The following WDPCP variants were observed in gnomAD, a reference collection of about 807,000 sequenced individuals.
The protein encoded by WDPCP is WD repeat-containing and planar cell polarity effector protein fritz homolog.
WDPCP carries 71 observed loss-of-function variants against 93.1 expected under a neutral mutation model. That is an observed-to-expected ratio of 0.76 (90% CI 0.63 to 0.93). The LOEUF (loss-of-function observed/expected upper bound fraction) is 0.93, where lower values mean the gene tolerates loss of function less well. WDPCP is among the 40% of genes least tolerant of loss of function. WDPCP has a pLI of 0.00. For missense variants in WDPCP, 844 were observed against 887.4 expected, an observed-to-expected ratio of 0.95 and a Z score of 0.62; for synonymous variants, 315 against 315.0, an observed-to-expected ratio of 1.00 and a Z score of 0.00.
intron 1 of WDPCP, among the ~76,000 whole-genome samples, chr2:63,530,818 C>T (rs1465117915): frequency 2.0e-5 from 3 of 152,180 alleles, no homozygotes; most frequent in Non-Finnish European, 2.9e-5. Context: ...AACTGAGGTA[C>T]CGTGTTCATC....
rs567162746 is a variant in WDPCP, at chr2:63,562,350, C to T, written c.75+25847G>A. Among the ~76,000 whole-genome samples the T allele has an allele frequency of 3.9e-5, 6 of 152,234 alleles. No individual in the cohort carries two copies. In the South Asian group the frequency reaches 1.2e-3, roughly 32 times the overall value. On this transcript the variant is annotated intron_variant, in intron 1 of 17. Coordinates refer to ENST00000272321, the MANE Select transcript of WDPCP (RefSeq NM_015910.7). ...CACATGGACACAGGAAGGGGAACAACACACACTGGGTAGAGCCTGTCGGGG... is the reference window on the plus strand; with the variant it reads ...CACATGGACACAGGAAGGGGAACAATACACACTGGGTAGAGCCTGTCGGGG...
intron 14 of WDPCP, among the ~76,000 whole-genome samples, chr2:63,225,656 C>A: frequency 6.6e-6 from 1 of 151,794 alleles, no homozygotes; most frequent in East Asian, 1.9e-4. Context: ...TTGTGGTATA[C>A]AGTGGGATAA....
intron 2 of WDPCP, among the ~76,000 whole-genome samples, chr2:63,767,044 T>C (rs141210300): frequency 1.0e-3 from 153 of 152,276 alleles, no homozygotes; most frequent in African/African-American, 3.5e-3. Flanking sequence ...ATTTGTTTTA[T>C]ATCACTATAG....
chr2:63,366,962 G>T (rs1347656556), intron 12 of WDPCP, among the ~76,000 whole-genome samples: 2 of 151,904 alleles, frequency 1.3e-5, no homozygotes, highest in African/African-American at 4.8e-5. Flanking sequence ...ATAGTAGAAT[G>T]TGAGGTTTAA....
chr2:63,606,103 C>T (rs1709523827), intron 3 of WDPCP: 2 of 1,334,292 alleles, frequency 1.5e-6, no homozygotes, highest in Non-Finnish European at 2.2e-6. Context: ...TATTATTGGC[C>T]AGGCACAGTG....
At chr2:63,493,884 T>C (rs1242028216) in intron 1 of WDPCP, among the ~76,000 whole-genome samples, 2 of 152,160 alleles carry the variant, frequency 1.3e-5, no homozygotes, top group Non-Finnish European at 2.9e-5. Context: ...TCCAGTAAAC[T>C]TCCGAATGAC....
At chr2:63,140,165 G>A (rs958210766) in intron 17 of WDPCP, among the ~76,000 whole-genome samples, 5 of 152,098 alleles carry the variant, frequency 3.3e-5, no homozygotes, top group Non-Finnish European at 7.4e-5. Context: ...CAGTTCCATT[G>A]ATCTGTATGC....
At chr2:63,586,991 A>G (rs1235777528) in intron 1 of WDPCP, among the ~76,000 whole-genome samples, 1 of 152,244 alleles carries the variant, frequency 6.6e-6, no homozygotes, top group Non-Finnish European at 1.5e-5. Flanking sequence ...CTCGTCATTT[A>G]CATTAGGTAA....
chr2:63,225,602 G>A lies in WDPCP; in HGVS notation c.1915+33705C>T, dbSNP rs115548208. On this transcript the variant is annotated intron_variant, in intron 14 of 17. Transcript: ENST00000272321. ...ATAATATTTATAATAGCCTCAAACT[G>A]GAGACAACCCAAATGTTTCTTAATG... 2.7e-3 allele frequency among the ~76,000 whole-genome samples: 408 copies of A among 151,794 alleles called. 1 individual carries two copies. Among genetic ancestry groups the A allele is most frequent in the South Asian group, 7.1e-3 (34 of 4,808 alleles).
chr2:63,764,891 A>T (rs1483496155), intron 2 of WDPCP, among the ~76,000 whole-genome samples: 1 of 152,182 alleles, frequency 6.6e-6, no homozygotes, highest in Non-Finnish European at 1.5e-5. Context: ...CTTTGAGGTC[A>T]TGTTTGGATG....
At chr2:63,665,197 T>C (rs1170104060) in intron 2 of WDPCP, among the ~76,000 whole-genome samples, 4 of 152,182 alleles carry the variant, frequency 2.6e-5, no homozygotes, top group Non-Finnish European at 4.4e-5. Flanking sequence ...AGAAATGCGT[T>C]GTCTCATGGT....
chr2:63,462,714 A>G (rs1221849566), intron 6 of WDPCP, among the ~76,000 whole-genome samples: 1 of 151,984 alleles, frequency 6.6e-6, no homozygotes, highest in Non-Finnish European at 1.5e-5. Context: ...ATCAACAAGA[A>G]CCAGAGATTA....
chr2:63,552,393 T>C (rs946353806), intron 1 of WDPCP, among the ~76,000 whole-genome samples: 5 of 152,112 alleles, frequency 3.3e-5, no homozygotes, highest in African/African-American at 7.2e-5. Flanking sequence ...TTTTTAAAGA[T>C]TTATTCTCAT....
chr2:63,690,990 TA>T (rs1277380499), intron 2 of WDPCP, among the ~76,000 whole-genome samples: 6 of 152,144 alleles, frequency 3.9e-5, no homozygotes, highest in African/African-American at 1.4e-4. Flanking sequence ...TAGGGAAATG[TA>T]ATGCAAATGT....
intron 14 of WDPCP, among the ~76,000 whole-genome samples, chr2:63,235,214 A>G (rs995120276): frequency 6.6e-6 from 1 of 152,158 alleles, no homozygotes; most frequent in South Asian, 2.1e-4. Context: ...TGATACAAAC[A>G]CCTCAATGTA....
chr2:63,707,126 A>G (rs981601290), intron 2 of WDPCP, among the ~76,000 whole-genome samples: 1 of 152,086 alleles, frequency 6.6e-6, no homozygotes, highest in Admixed American at 6.5e-5. Context: ...CTTCTTGAAG[A>G]GTAACTTTGT....
At chr2:63,227,607 A>G (rs917439915) in intron 14 of WDPCP, among the ~76,000 whole-genome samples, 8 of 152,154 alleles carry the variant, frequency 5.3e-5, no homozygotes, top group Non-Finnish European at 1.2e-4. Flanking sequence ...AGTGATTTAG[A>G]GTATGAGATT....
chr2:63,479,176 C>T (rs1213028869), intron 6 of WDPCP, among the ~76,000 whole-genome samples: 2 of 151,826 alleles, frequency 1.3e-5, no homozygotes, highest in African/African-American at 4.8e-5. Flanking sequence ...TAACAGGCAG[C>T]AAGACTGAAA....
intron 1 of WDPCP, among the ~76,000 whole-genome samples, chr2:63,575,489 A>ACAGCGTATGCACT (rs1257278044): frequency 5.8e-5 from 1 of 17,288 alleles, no homozygotes; most frequent in Non-Finnish European, 1.3e-4. Context: ...GTGTATATAT[A>ACAGCGTATGCACT]GTATATACAG....
Sources: gnomAD v4.1 joint callset for allele counts (sites outside exome capture counted in the v4.1 genomes callset) on GRCh38, gnomAD v4.1.1 for gene constraint, MANE v1.5 for transcripts, NCBI Gene and HGNC (gene_info 2026-07-23, HGNC 2026-07-21) for gene names.